Variants in UFL1 observed in about 807,000 individuals in gnomAD.
UFL1 encodes UFM1 specific ligase 1.
A neutral mutation model predicts 99.3 loss-of-function variants in UFL1; 78 were observed. The ratio of observed to expected loss-of-function variants is 0.79; its 90% confidence interval spans 0.65 to 0.95. UFL1 has a LOEUF of 0.95. Ranked by LOEUF, UFL1 falls within the 40% of genes least tolerant of loss-of-function variation. The pLI is 0.00. For missense variants in UFL1, 936 were observed against 937.0 expected (o/e 1.00, Z 0.01); for synonymous variants, 335 against 322.2 (o/e 1.04, Z -0.42).
rs1582440836 is a variant in UFL1 at position 96,536,522 on chromosome 6, A to T, written c.802+132A>T. On this transcript the variant is annotated intron_variant, in intron 8 of 18. Coordinates refer to ENST00000369278, the MANE Select transcript of UFL1 (RefSeq NM_015323.5). ...TAAAAATAATAATAAATAAAAATTT[A>T]AAAATGGGAACCCTAGAGTTTACAT... The T allele has an allele frequency of 1.3e-5, 7 of 553,464 alleles. No individual in the cohort carries two copies. In the East Asian group the frequency reaches 2.2e-4, roughly 17 times the overall value. 34.3% of individuals were successfully genotyped at this position (553,464 alleles called of 1,614,324 possible). A position where few individuals can be genotyped will look rare whatever the true frequency, so the allele number is the denominator to read the frequency against.
chr6:96,548,692 A>G (rs1770034334), intron 13 of UFL1, among the ~76,000 whole-genome samples: 1 of 151,868 alleles, frequency 6.6e-6, no homozygotes, highest in African/African-American at 2.4e-5. Flanking sequence ...AATATAGAGT[A>G]ACAAATTCAC....
rs769465641 is a variant in UFL1 at position 96,536,226 on chromosome 6, A to C, written c.656-18A>C. ...TACCTGGTCTGATTTATTTGTATTC[A>C]TGTGGGTTTGTTTTAAGCTGTGCTT... On this transcript the variant is annotated intron_variant, in intron 7 of 18. Coordinates refer to ENST00000369278, the MANE Select transcript of UFL1 (RefSeq NM_015323.5). 2 of 1,601,146 alleles carry C rather than the reference A, an allele frequency of 1.2e-6. No individual in the cohort carries two copies. Among genetic ancestry groups the C allele is most frequent in the Non-Finnish European group, 1.7e-6 (2 of 1,171,492 alleles).
Position 96,535,706 on chromosome 6 carries a change from T to G in UFL1, c.656-538T>G, listed in dbSNP as rs144577561. 2.0e-5 allele frequency among the ~76,000 whole-genome samples: 3 copies of G among 152,126 alleles called. No homozygotes were observed. In the East Asian group the frequency reaches 5.8e-4, roughly 29 times the overall value. ...ATCCTCTTAACCAAGGCATTACACT[T>G]CTCTTATAGGTAGGGCTGAAATGTC... On this transcript the variant is annotated intron_variant, in intron 7 of 18. Transcript: ENST00000369278.
At chr6:96,550,866 C>T (rs1212991623) in intron 15 of UFL1, among the ~76,000 whole-genome samples, 2 of 151,984 alleles carry the variant, frequency 1.3e-5, no homozygotes, top group Admixed American at 1.3e-4. Context: ...AGACATTATA[C>T]ACTTCAGGGC....
chr6:96,552,376 TTAGATAAAC>T, intron 17 of UFL1, 97 bp from the exon 18 acceptor site: 1 of 1,256,082 alleles, frequency 8.0e-7, no homozygotes, highest in Non-Finnish European at 1.1e-6. Context: ...TTTTATGGAA[TTAGATAAAC>T]TAGAGAAGCT....
At chr6:96,529,348 C>T (rs1769749260) in intron 6 of UFL1, among the ~76,000 whole-genome samples, 2 of 152,174 alleles carry the variant, frequency 1.3e-5, no homozygotes, top group South Asian at 2.1e-4. Flanking sequence ...TCTATATCAT[C>T]TATCATGCTG....
chr6:96,522,081 CCT>C (rs1769621371), intron 1 of UFL1, 131 bp downstream of exon 1: 6 of 1,077,046 alleles, frequency 5.6e-6, no homozygotes, highest in Non-Finnish European at 7.9e-6. Flanking sequence ...TCTCCTCCTC[CCT>C]CTGTCCCGAG....
At chr6:96,540,280 G>T (rs1769912608) in intron 10 of UFL1, among the ~76,000 whole-genome samples, 1 of 151,434 alleles carries the variant, frequency 6.6e-6, no homozygotes, top group South Asian at 2.1e-4. Flanking sequence ...TTGCAGCTGT[G>T]TAATCAGTTG....
chr6:96,524,571 C>G (rs1191585429), intron 3 of UFL1, among the ~76,000 whole-genome samples, 161 bp downstream of exon 3: 2 of 152,044 alleles, frequency 1.3e-5, no homozygotes, highest in African/African-American at 4.8e-5. Context: ...TTAACAAGTT[C>G]TGATACATTA....
intron 15 of UFL1, among the ~76,000 whole-genome samples, chr6:96,551,086 AGTGGGGCCCT>A (rs1270378563): frequency 2.0e-4 from 31 of 151,866 alleles, no homozygotes; most frequent in Non-Finnish European, 2.5e-4. Context: ...GATCTTTATG[AGTGGGGCCCT>A]TCACAGCTGG....
At chr6:96,545,600 T>G (rs1241566925) in intron 12 of UFL1, among the ~76,000 whole-genome samples, 1 of 151,094 alleles carries the variant, frequency 6.6e-6, no homozygotes, top group East Asian at 1.9e-4. Context: ...TCTAATAAAT[T>G]TATATTTTTA....
chr6:96,549,269 G>T lies in UFL1; in HGVS notation c.1521-143G>T, dbSNP rs146162562. Reference sequence around the variant, plus strand: ...TAGGGTTGTGGAACAAATTGTTAGTGAACTTGTCTCCAAATTAATTTTATT... The same window carrying T: ...TAGGGTTGTGGAACAAATTGTTAGTTAACTTGTCTCCAAATTAATTTTATT... On this transcript the variant is annotated intron_variant, in intron 13 of 18. Transcript: ENST00000369278. 2.7e-4 allele frequency: 161 copies of T among 593,532 alleles called. 1 individual carries two copies. Among genetic ancestry groups the T allele is most frequent in the Middle Eastern group, 9.8e-4 (2 of 2,048 alleles). The allele number at this position is 593,532 out of a possible 1,614,324, so 36.8% of individuals were successfully genotyped here.
intron 6 of UFL1, 146 bp downstream of exon 6, chr6:96,528,778 T>C: frequency 9.2e-7 from 1 of 1,087,034 alleles, no homozygotes; most frequent in Non-Finnish European, 1.3e-6. Context: ...GCAGCTTTTG[T>C]AAAATAGAAA....
chr6:96,551,452 G>C lies in UFL1; in HGVS notation c.1838G>C (p.Ser613Thr). The C allele has an allele frequency of 6.6e-7, 1 of 1,521,696 alleles. No homozygotes were observed. The highest frequency in any genetic ancestry group is 8.9e-7 in the Non-Finnish European group (1 of 1,127,066). 94.3% of individuals were successfully genotyped at this position (1,521,696 alleles called of 1,614,324 possible). The change falls in exon 16 of 19, where the codon AGT (serine) becomes ACT (threonine). Residue 613 changes from serine (S) to threonine (T), a missense_variant. Transcript: ENST00000369278. The stretch of plus-strand genomic sequence containing the variant: ...CTACAGATAAGAAAGAAAATTTTAA[G>C]TAAATTATCAGAAGAAACCAAAGTA... ...ITSEIRKKIL[S>T]KLSEETKVAL...
At chr6:96,543,136 A>G (rs547998073) in intron 12 of UFL1, 120 bp downstream of exon 12, 2 of 1,218,982 alleles carry the variant, frequency 1.6e-6, no homozygotes, top group South Asian at 3.2e-5. Flanking sequence ...GCAGTGTTTC[A>G]GTGACACAAA....
chr6:96,523,136 T>A lies in UFL1; in HGVS notation c.78-10T>A, dbSNP rs370146969. The A allele has an allele frequency of 6.7e-5, 106 of 1,585,942 alleles. No homozygotes were observed. Among genetic ancestry groups the A allele is most frequent in the Non-Finnish European group, 8.6e-5 (101 of 1,167,928 alleles). ...TGGACTTTTGAAACAACTTTTTTTC[T>A]TTCCCTCAGGTTGTCCGAGCGGAAC... On this transcript the variant is annotated splice_polypyrimidine_tract_variant and intron_variant, in intron 1 of 18. Coordinates refer to ENST00000369278, the MANE Select transcript of UFL1 (RefSeq NM_015323.5).
At chr6:96,526,667 C>T (rs1020065206) in intron 5 of UFL1, among the ~76,000 whole-genome samples, 1 of 152,130 alleles carries the variant, frequency 6.6e-6, no homozygotes, top group Non-Finnish European at 1.5e-5. Flanking sequence ...AAGAGACACC[C>T]TAAAACTAAT....
At position 96,545,415 on chromosome 6, in the gene UFL1, G is replaced by T. The variant is rs139470462; in HGVS notation, c.1402+2399G>T. On this transcript the variant is annotated intron_variant, in intron 12 of 18. Coordinates refer to ENST00000369278, the MANE Select transcript of UFL1 (RefSeq NM_015323.5). ...ACAGTAGCTGCATACAAACTTTCCT[G>T]ACTATAGACTTATTTTTGTGAGAGC... Among the ~76,000 whole-genome samples, 1,083 of 150,900 alleles carry T rather than the reference G, an allele frequency of 7.2e-3. 11 individuals are homozygous for T. The highest frequency in any genetic ancestry group is 0.022 in the African/African-American group (915 of 41,330).
chr6:96,537,678 T>C (rs1373625763), intron 9 of UFL1, 129 bp downstream of exon 9: 1 of 845,300 alleles, frequency 1.2e-6, no homozygotes, highest in Admixed American at 3.4e-5. Context: ...ATCATTGTTA[T>C]AACAAAAATA....
Sources: allele counts gnomAD v4.1 joint callset (sites outside exome capture counted in the v4.1 genomes callset), GRCh38; gene constraint gnomAD v4.1.1; transcripts MANE v1.5; gene names NCBI Gene and HGNC (gene_info 2026-07-23, HGNC 2026-07-21).